USB1: variants seen among roughly 807,000 people sequenced by gnomAD.
USB1 encodes the protein U6 snRNA biogenesis phosphodiesterase 1, also known as U6 snRNA phosphodiesterase 1.
Under a neutral mutation model 29.9 loss-of-function variants are expected in USB1, and 21 were observed. The observed-to-expected ratio is 0.70, with a 90% confidence interval of 0.50 to 1.01. USB1 has a LOEUF of 1.01. Ranked by LOEUF, USB1 falls within the 50% of genes least tolerant of loss-of-function variation. USB1 has a pLI of 0.00. For missense variants in USB1, 330 were observed against 347.1 expected, an observed-to-expected ratio of 0.95 and a Z score of 0.39; for synonymous variants, 143 against 134.9, an observed-to-expected ratio of 1.06 and a Z score of -0.42.
In USB1 at chr16:58,017,377, C is replaced by G; in HGVS notation, c.547C>G (p.Leu183Val). 1 of 1,614,226 alleles carries G rather than the reference C, an allele frequency of 6.2e-7. No homozygotes were observed. The highest frequency in any genetic ancestry group is 2.2e-5 in the East Asian group (1 of 44,878). Residue 183 changes from leucine (L) to valine (V), a missense_variant, in exon 5 of 7, where the codon CTG becomes GTG. Physicochemically the swap from Leu to Val is conservative, Grantham distance 32 (BLOSUM62 1). Coordinates refer to ENST00000219281, the MANE Select transcript of USB1 (RefSeq NM_024598.4). ...GGTCACTTCAGGGCATGCCCAGTTC[C>G]TGGACCTGGTTTCAGAGGTGGACAG... ...LEVTSGHAQF[L>V]DLVSEVDRVM...
chr16:58,011,849 C>T, intron 3 of USB1: 2 of 992,322 alleles, frequency 2.0e-6, no homozygotes, highest in Non-Finnish European at 1.2e-6. Context: ...TCACAGTAGA[C>T]ATCAAATAGA....
chr16:58,001,319 C>T (rs1963178319), upstream of USB1: 1 of 801,182 alleles, frequency 1.2e-6, no homozygotes, highest in East Asian at 2.7e-5. Context: ...AGTCGGTGGG[C>T]TGAATCTTCA....
At chr16:58,002,370 C>A in intron 1 of USB1, 109 bp from the exon 2 acceptor site, 1 of 1,542,630 alleles carries the variant, frequency 6.5e-7, no homozygotes, top group Non-Finnish European at 8.9e-7. Flanking sequence ...AGGCTGGAAA[C>A]ACACACTCAG....
At chr16:58,001,661 G>T (rs1290652193) in intron 1 of USB1, 80 bp downstream of exon 1, 10 of 1,488,066 alleles carry the variant, frequency 6.7e-6, no homozygotes, top group Admixed American at 5.9e-5. Context: ...TGGGGGTGGA[G>T]TGGGGAGGGA....
Position 58,009,947 on chromosome 16 carries a change from T to C in USB1, c.284T>C (p.Phe95Ser). The C allele has an allele frequency of 6.2e-7, 1 of 1,613,840 alleles. No homozygotes were observed. The highest frequency in any genetic ancestry group is 8.5e-7 in the Non-Finnish European group (1 of 1,179,938). Reference sequence around the variant, plus strand: ...CCTCCAGATGAAGCCAAGGAGGAGTTCCTGGATCTGCTTGATGTGTTGCTG... The same window carrying C: ...CCTCCAGATGAAGCCAAGGAGGAGTCCCTGGATCTGCTTGATGTGTTGCTG... The part of the protein sequence containing the change: ...VYVPYEAKEE[F>S]LDLLDVLLPH... The change falls in exon 3 of 7, where the codon TTC becomes TCC. Residue 95 changes from phenylalanine to serine, a missense_variant. Transcript: ENST00000219281.
At chr16:58,006,050 T>C (rs1359519175) in intron 2 of USB1, among the ~76,000 whole-genome samples, 1 of 152,210 alleles carries the variant, frequency 6.6e-6, no homozygotes, top group East Asian at 1.9e-4. Flanking sequence ...TAGACAATTA[T>C]GTCATCTATG....
Position 58,017,320 on chromosome 16 carries a change from CT to C in USB1, c.504-12del, listed in dbSNP as rs1185122827. The C allele has an allele frequency of 6.2e-7, 1 of 1,612,022 alleles. No individual in the cohort carries two copies. The highest frequency in any genetic ancestry group is 8.5e-7 in the Non-Finnish European group (1 of 1,178,228). On this transcript the variant is annotated splice_polypyrimidine_tract_variant and intron_variant, in intron 4 of 6. Coordinates refer to ENST00000219281, the MANE Select transcript of USB1 (RefSeq NM_024598.4). ...AGGCTACATCTCATGCCTGCGTTGT[CT>C]TCCTCTCCCCAGGACCTTTATTGGG...
upstream of USB1, chr16:58,000,464 C>T (rs1441291953): frequency 6.7e-6 from 1 of 150,154 alleles, no homozygotes; most frequent in African/African-American, 2.4e-5. The surrounding 1 kb of genome is among the most constrained non-coding windows in gnomAD (Gnocchi z 4.5). Context: ...TCTCGGCCGC[C>T]CCTTTATTCC....
intron 3 of USB1, chr16:58,010,785 A>C: frequency 1.8e-6 from 1 of 554,828 alleles, no homozygotes; most frequent in South Asian, 2.2e-5. Flanking sequence ...CGAGCATGGG[A>C]GCTTCTGACC....
chr16:58,020,061 T>G, intron 6 of USB1, 80 bp from the exon 7 acceptor site: 1,021 of 1,363,704 alleles, frequency 7.5e-4, no homozygotes, highest in Non-Finnish European at 9.7e-4. Context: ...TGAAGTTGGG[T>G]GAGCTGGTTT....
intron 2 of USB1, among the ~76,000 whole-genome samples, chr16:58,007,836 A>G (rs1264462489): frequency 6.6e-6 from 1 of 152,104 alleles, no homozygotes; most frequent in Non-Finnish European, 1.5e-5. Flanking sequence ...CAAAAAAATT[A>G]GCCATGCTTG....
intron 3 of USB1, chr16:58,011,066 C>T: frequency 1.2e-6 from 1 of 825,394 alleles, no homozygotes; most frequent in South Asian, 1.4e-5. Flanking sequence ...ATGCCCCTGT[C>T]ACCCAGGAAA....
At chr16:58,014,010 T>G in intron 3 of USB1, 1 of 449,752 alleles carries the variant, frequency 2.2e-6, no homozygotes, top group Non-Finnish European at 4.0e-6. Flanking sequence ...TCTCAAATTG[T>G]TTATCGAAAT....
chr16:58,010,830 A>T, intron 3 of USB1: 1 of 594,184 alleles, frequency 1.7e-6, no homozygotes, highest in Non-Finnish European at 3.0e-6. Context: ...CTCCCAGCAC[A>T]TGGGTGCGTT....
intron 1 of USB1, among the ~76,000 whole-genome samples, 177 bp from the exon 2 acceptor site, chr16:58,002,302 C>T (rs562215171): frequency 1.3e-4 from 20 of 152,258 alleles, no homozygotes; most frequent in African/African-American, 4.8e-4. Context: ...GAGTTGGAGA[C>T]CCCAATGAGA....
chr16:58,000,974 C>T (rs1366856812), upstream of USB1, among the ~76,000 whole-genome samples: 1 of 152,048 alleles, frequency 6.6e-6, no homozygotes, highest in Non-Finnish European at 1.5e-5. This position sits in a 1 kb window ranked among gnomAD's most constrained non-coding sequence, Gnocchi z 4.5. Flanking sequence ...GAGGGGCCTC[C>T]TAGAGGCTCT....
In USB1 at chr16:58,013,431, T is replaced by G; in HGVS notation, c.450-842T>G. The G allele has an allele frequency of 1.0e-6, 1 of 985,448 alleles. No homozygotes were observed. Among genetic ancestry groups the G allele is most frequent in the Non-Finnish European group, 1.2e-6 (1 of 829,966 alleles). The allele number at this position is 985,448 out of a possible 1,614,324, so 61.0% of individuals were successfully genotyped here. A position where few individuals can be genotyped will look rare whatever the true frequency, so the allele number is the denominator to read the frequency against. ...TACCCAGCATGCTGGTATATTATGT[T>G]CCCTCAGATGGGGGTGAGACCCTTG... On this transcript the variant is annotated intron_variant, in intron 3 of 6. Transcript: ENST00000219281. This position sits in a 1 kb window ranked among gnomAD's most constrained non-coding sequence, Gnocchi z 4.3.
chr16:58,018,939 G>A lies in USB1; in HGVS notation c.610-33G>A, dbSNP rs374592059. On this transcript the variant is annotated intron_variant, in intron 5 of 6. Coordinates refer to ENST00000219281, the MANE Select transcript of USB1 (RefSeq NM_024598.4). ...GAGGGCAGGGCCTGCCAAGGCGTCC[G>A]GGTGACTGCCTGCCTCTCGTTTCCC... 5.3e-5 allele frequency: 85 copies of A among 1,610,778 alleles called. No homozygotes were observed. In the African/African-American group the frequency reaches 8.5e-4, roughly 16 times the overall value.
intron 4 of USB1, chr16:58,016,816 G>C (rs1171901320): frequency 5.2e-6 from 1 of 190,632 alleles, no homozygotes; most frequent in African/African-American, 2.3e-5. Flanking sequence ...GTGAGAAAGA[G>C]ATAGTGATGG....
Sources: allele counts gnomAD v4.1 joint callset (sites outside exome capture counted in the v4.1 genomes callset), GRCh38; gene constraint gnomAD v4.1.1; non-coding constraint Gnocchi (gnomAD v3.1); transcripts MANE v1.5; gene names NCBI Gene and HGNC (gene_info 2026-07-23, HGNC 2026-07-21).